Variants in USP6NL observed in about 807,000 individuals in gnomAD.
The protein encoded by USP6NL is USP6 N-terminal like, also known as USP6 N-terminal-like protein.
USP6NL carries 26 observed loss-of-function variants against 61.9 expected under a neutral mutation model. That is an observed-to-expected ratio of 0.42 (90% CI 0.31 to 0.58). USP6NL has a LOEUF of 0.58. Among genes scored for constraint, USP6NL ranks in the 20% least tolerant of loss-of-function variants. USP6NL has a pLI of 0.16. For synonymous variants in USP6NL, 432 were observed against 390.1 expected, an observed-to-expected ratio of 1.11 and a Z score of -1.27; for missense variants, 1,114 against 1,034.3, an observed-to-expected ratio of 1.08 and a Z score of -1.06.
chr10:11,464,519 A>G (rs1325129830), intron 14 of USP6NL, among the ~76,000 whole-genome samples: 1 of 152,254 alleles, frequency 6.6e-6, no homozygotes. Context: ...TCACAGGTCC[A>G]GAATTCAAAC....
rs765512803 is a variant in USP6NL at position 11,463,584 on chromosome 10, A to G, written c.1344T>C (p.Asp448=). The change falls in exon 15 of 15, where the codon GAT becomes GAC. Residue 448 remains aspartate (D), a synonymous_variant. Transcript: ENST00000609104. The surrounding 1 kb of genome is among the most constrained non-coding windows in gnomAD (Gnocchi z 6.3). The stretch of plus-strand genomic sequence containing the variant: ...GACCCGATGGGAGTTTTCTTTGAAA[A>G]TCTGCCTCATCTTTAAGCTTTTTGC... The part of the protein sequence containing the change: ...EESKKLKDEA[D]FQRKLPSGPQ... 15 of 1,613,836 alleles carry G rather than the reference A, an allele frequency of 9.3e-6. No homozygotes were observed. Among genetic ancestry groups the G allele is most frequent in the African/African-American group, 1.3e-5 (1 of 74,982 alleles).
At chr10:11,594,761 T>A in intron 2 of USP6NL, among the ~76,000 whole-genome samples, 1 of 152,236 alleles carries the variant, frequency 6.6e-6, no homozygotes, top group South Asian at 2.1e-4. Flanking sequence ...AGCTCCTGCA[T>A]ACTAAGGACA....
At chr10:11,565,635 C>T (rs1229580546) in intron 2 of USP6NL, 1 of 151,300 alleles carries the variant, frequency 6.6e-6, no homozygotes, top group African/African-American at 2.4e-5. Context: ...GGGCAAGACT[C>T]CGTCTGAAAA....
intron 2 of USP6NL, among the ~76,000 whole-genome samples, chr10:11,560,750 A>G (rs530442122): frequency 8.6e-4 from 127 of 148,332 alleles, no homozygotes; most frequent in Non-Finnish European, 1.5e-3. Context: ...ACAACAATAC[A>G]GTTTATTATT....
In USP6NL at chr10:11,476,655, C is replaced by G. The variant is rs1566119272; in HGVS notation, c.1078+5115G>C. 6.6e-6 allele frequency among the ~76,000 whole-genome samples: 1 copy of G among 152,102 alleles called. No individual in the cohort carries two copies. The highest frequency in any genetic ancestry group is 1.5e-5 in the Non-Finnish European group (1 of 68,028). ...AGTAAAATAAAAGATGCCAAACCCA[C>G]ACACAAAAACCCCCACAAAACTCCT... On this transcript the variant is annotated intron_variant, in intron 14 of 14. Transcript: ENST00000609104. The surrounding 1 kb of genome is among the most constrained non-coding windows in gnomAD (Gnocchi z 4.3).
intron 5 of USP6NL, among the ~76,000 whole-genome samples, chr10:11,517,897 G>A (rs187286602): frequency 1.3e-5 from 2 of 152,102 alleles, no homozygotes; most frequent in African/African-American, 4.8e-5. Context: ...CAGAAACAGT[G>A]GGGAGGAAAA....
chr10:11,600,264 T>C lies in USP6NL; in HGVS notation c.-83-2547A>G, dbSNP rs939667711. Among the ~76,000 whole-genome samples, 10 of 152,216 alleles carry C rather than the reference T, an allele frequency of 6.6e-5. No individual in the cohort carries two copies. Among genetic ancestry groups the C allele is most frequent in the Non-Finnish European group, 4.4e-5 (3 of 68,024 alleles). ...CTAAGGGCGTGGCCATATGACTTGCTGGAATGGTTCTAACTGGAGGCTTGA... is the reference window on the plus strand; with the variant it reads ...CTAAGGGCGTGGCCATATGACTTGCCGGAATGGTTCTAACTGGAGGCTTGA... On this transcript the variant is annotated intron_variant, in intron 1 of 14. Coordinates refer to ENST00000609104, the MANE Select transcript of USP6NL (RefSeq NM_014688.5). The surrounding 1 kb of genome is among the most constrained non-coding windows in gnomAD (Gnocchi z 4.1).
At chr10:11,479,700 C>T (rs553526505) in intron 14 of USP6NL, among the ~76,000 whole-genome samples, 3 of 151,980 alleles carry the variant, frequency 2.0e-5, no homozygotes, top group East Asian at 1.9e-4. Flanking sequence ...CTCAACTTCC[C>T]GAGTAACTGG....
At chr10:11,606,004 C>T (rs973469534) in intron 1 of USP6NL, among the ~76,000 whole-genome samples, 2 of 151,902 alleles carry the variant, frequency 1.3e-5, no homozygotes, top group African/African-American at 4.8e-5. Flanking sequence ...CATCAAGTCA[C>T]GGTATCAAAA....
At position 11,589,761 on chromosome 10, in the gene USP6NL, A is replaced by C. The variant is rs993269299; in HGVS notation, c.4+7870T>G. Among the ~76,000 whole-genome samples, 1 of 152,252 alleles carries C rather than the reference A, an allele frequency of 6.6e-6. No homozygotes were observed. Among genetic ancestry groups the C allele is most frequent in the African/African-American group, 2.4e-5 (1 of 41,468 alleles). ...GACATTGTGACGCCAAATGCCCCAC[A>C]ATATAAATGTTAATGAATATCTATT... is the stretch of plus-strand genomic sequence containing the variant. On this transcript the variant is annotated intron_variant, in intron 2 of 14. Transcript: ENST00000609104. This position sits in a 1 kb window ranked among gnomAD's most constrained non-coding sequence, Gnocchi z 4.7.
At chr10:11,557,621 G>C (rs1836762993) in intron 2 of USP6NL, among the ~76,000 whole-genome samples, 1 of 152,234 alleles carries the variant, frequency 6.6e-6, no homozygotes, top group African/African-American at 2.4e-5. Flanking sequence ...TGGAGTTAGT[G>C]AGTGTAGACT....
chr10:11,565,073 T>G (rs896450522), intron 2 of USP6NL: 1 of 152,130 alleles, frequency 6.6e-6, no homozygotes, highest in African/African-American at 2.4e-5. Context: ...GTTTCTACAG[T>G]TTTTTTCTCA....
intron 2 of USP6NL, among the ~76,000 whole-genome samples, chr10:11,594,193 T>C (rs1044770251): frequency 3.9e-5 from 6 of 152,116 alleles, no homozygotes; most frequent in African/African-American, 1.4e-4. Context: ...ACAAGACAGA[T>C]CGCTCTAATA....
chr10:11,562,732 T>C lies in USP6NL; in HGVS notation c.4+34899A>G. The C allele has an allele frequency of 1.0e-6, 1 of 985,486 alleles. No homozygotes were observed. The highest frequency in any genetic ancestry group is 4.7e-5 in the South Asian group (1 of 21,292). The allele number at this position is 985,486 out of a possible 1,614,324, so 61.0% of individuals were successfully genotyped here. Reference sequence around the variant, plus strand: ...TGCCAAATTTTCACTTGTTTCTTGATCTAAAAACGTGGAATTCCACACAGT... The same window carrying C: ...TGCCAAATTTTCACTTGTTTCTTGACCTAAAAACGTGGAATTCCACACAGT... On this transcript the variant is annotated intron_variant, in intron 2 of 14. Coordinates refer to ENST00000609104, the MANE Select transcript of USP6NL (RefSeq NM_014688.5). This position sits in a 1 kb window ranked among gnomAD's most constrained non-coding sequence, Gnocchi z 4.8.
At chr10:11,576,108 A>C (rs1476873009) in intron 2 of USP6NL, among the ~76,000 whole-genome samples, 1 of 152,186 alleles carries the variant, frequency 6.6e-6, no homozygotes, top group East Asian at 1.9e-4. Context: ...AAAAAGCAAT[A>C]ATATTAACAC....
chr10:11,547,238 T>C (rs1026083642), intron 2 of USP6NL, among the ~76,000 whole-genome samples: 8 of 152,192 alleles, frequency 5.3e-5, no homozygotes, highest in African/African-American at 1.9e-4. Context: ...CAGGCACTGT[T>C]TGGAGCAGGT....
At chr10:11,530,216 G>T (rs1835598091) in intron 2 of USP6NL, among the ~76,000 whole-genome samples, 1 of 151,696 alleles carries the variant, frequency 6.6e-6, no homozygotes, top group Admixed American at 6.6e-5. Flanking sequence ...TAGTAATCAG[G>T]CCAAATTCAA....
In USP6NL at chr10:11,595,162, G is replaced by A. The variant is rs968996336; in HGVS notation, c.4+2469C>T. Among the ~76,000 whole-genome samples, 3 of 152,266 alleles carry A rather than the reference G, an allele frequency of 2.0e-5. 1 individual carries two copies. In the South Asian group the frequency reaches 6.2e-4, roughly 32 times the overall value. ...TCACACAAACACACAGAAATAACAGGTGAAAGAGAAGCACAAGTCACTAAA... is the reference window on the plus strand; with the variant it reads ...TCACACAAACACACAGAAATAACAGATGAAAGAGAAGCACAAGTCACTAAA... On this transcript the variant is annotated intron_variant, in intron 2 of 14. Coordinates refer to ENST00000609104, the MANE Select transcript of USP6NL (RefSeq NM_014688.5). This position sits in a 1 kb window ranked among gnomAD's most constrained non-coding sequence, Gnocchi z 5.3.
chr10:11,490,813 C>T lies in USP6NL; in HGVS notation c.543+19G>A, dbSNP rs542943671. On this transcript the variant is annotated intron_variant, in intron 9 of 14. Transcript: ENST00000609104. The surrounding 1 kb of genome is among the most constrained non-coding windows in gnomAD (Gnocchi z 4.5). The stretch of plus-strand genomic sequence containing the variant: ...CAGAATACAACTCAAAGACCTTGGG[C>T]AGGCAGGCCCCAACTTACCGTGTTA... The T allele has an allele frequency of 1.3e-6, 2 of 1,551,996 alleles. No homozygotes were observed. Among genetic ancestry groups the T allele is most frequent in the Non-Finnish European group, 1.7e-6 (2 of 1,148,282 alleles).
Sources: gnomAD v4.1 joint callset for allele counts (sites outside exome capture counted in the v4.1 genomes callset) on GRCh38, gnomAD v4.1.1 for gene constraint, Gnocchi (gnomAD v3.1) non-coding constraint, MANE v1.5 for transcripts, NCBI Gene and HGNC (gene_info 2026-07-23, HGNC 2026-07-21) for gene names.